CCDC68: variants seen among roughly 807,000 people sequenced by gnomAD.
CCDC68 encodes the protein coiled-coil domain-containing protein 68.
CCDC68 carries 45 observed loss-of-function variants against 47.1 expected under a neutral mutation model. That is an observed-to-expected ratio of 0.96 (90% confidence interval 0.75 to 1.23). CCDC68 has a LOEUF of 1.23. CCDC68 is among the 50% of genes most tolerant of loss of function. CCDC68 has a pLI of 0.00. For synonymous variants in CCDC68, 131 were observed against 129.5 expected, an observed-to-expected ratio of 1.01 and a Z score of -0.08; for missense variants, 353 against 373.6, an observed-to-expected ratio of 0.94 and a Z score of 0.45.
chr18:54,905,653 T>C (rs1913959921), intron 11 of CCDC68, among the ~76,000 whole-genome samples: 1 of 152,190 alleles, frequency 6.6e-6, no homozygotes, highest in African/African-American at 2.4e-5. Context: ...ACTTACATTT[T>C]TCAAGCAACC....
rs570334401 is a variant in CCDC68, at chr18:54,917,832, C to T, written c.873+81G>A. On this transcript the variant is annotated intron_variant, in intron 10 of 11. Transcript: ENST00000591504. ...AGGCTCACTGATACTGATACCCTCA[C>T]GTGCACAGACACACACACACACACA... 3.1e-4 allele frequency: 227 copies of T among 731,054 alleles called. No homozygotes were observed. The African/African-American group carries it at 4.9e-3, about 16-fold the overall frequency. The allele number at this position is 731,054 out of a possible 1,614,324, so 45.3% of individuals were successfully genotyped here.
intron 8 of CCDC68, 63 bp downstream of exon 8, chr18:54,928,737 G>A (rs1394087276): frequency 4.0e-6 from 4 of 997,982 alleles, no homozygotes; most frequent in Non-Finnish European, 1.6e-6. Flanking sequence ...TTCCCTGGCT[G>A]GCATACCAGT....
intron 6 of CCDC68, 50 bp from the exon 7 acceptor site, chr18:54,934,998 C>G (rs1048543267): frequency 2.1e-6 from 3 of 1,405,668 alleles, no homozygotes; most frequent in Non-Finnish European, 2.8e-6. Context: ...TTTCTTAAAC[C>G]TATACACATA....
At chr18:54,909,416 C>G (rs1423055452) in intron 10 of CCDC68, among the ~76,000 whole-genome samples, 3 of 144,222 alleles carry the variant, frequency 2.1e-5, no homozygotes, top group African/African-American at 5.2e-5. Context: ...GGGTCTCACT[C>G]TGTCGCCCAG....
chr18:54,916,043 T>C (rs1599033781), intron 10 of CCDC68, among the ~76,000 whole-genome samples: 1 of 152,278 alleles, frequency 6.6e-6, no homozygotes, highest in Non-Finnish European at 1.5e-5. Context: ...TGTGAAGAAA[T>C]GTCTTTAGAG....
chr18:54,919,515 A>G (rs1047046493), intron 8 of CCDC68, 139 bp from the exon 9 acceptor site: 1 of 646,988 alleles, frequency 1.5e-6, no homozygotes, highest in Admixed American at 2.4e-5. Flanking sequence ...CCATTATGCC[A>G]CATAGGACAC....
chr18:54,915,628 G>A (rs1164042441), intron 10 of CCDC68, among the ~76,000 whole-genome samples: 1 of 152,102 alleles, frequency 6.6e-6, no homozygotes, highest in Non-Finnish European at 1.5e-5. Context: ...TGTTAGTTAC[G>A]TAAAAAATGT....
chr18:54,919,071 T>G (rs569343011), intron 9 of CCDC68, among the ~76,000 whole-genome samples, 200 bp downstream of exon 9: 19 of 152,302 alleles, frequency 1.2e-4, no homozygotes, highest in African/African-American at 4.6e-4. Context: ...CAAGCTATCT[T>G]CATCGAGAGC....
chr18:54,907,202 C>CA (rs1914063084), intron 11 of CCDC68, among the ~76,000 whole-genome samples: 1 of 152,102 alleles, frequency 6.6e-6, no homozygotes, highest in Non-Finnish European at 1.5e-5. Context: ...ACAACCACAA[C>CA]AAAAATTTAA....
intron 7 of CCDC68, among the ~76,000 whole-genome samples, chr18:54,934,075 C>A (rs2044305949): frequency 6.6e-6 from 1 of 152,148 alleles, no homozygotes; most frequent in Non-Finnish European, 1.5e-5. Flanking sequence ...TACTAGTATC[C>A]AAAGCCTATA....
At chr18:54,919,612 C>T (rs957908006) in intron 8 of CCDC68, among the ~76,000 whole-genome samples, 4 of 152,218 alleles carry the variant, frequency 2.6e-5, no homozygotes, top group African/African-American at 9.7e-5. Flanking sequence ...AATCTCCATT[C>T]TGGCCATCTG....
chr18:54,933,423 C>T (rs1285470759), intron 7 of CCDC68, among the ~76,000 whole-genome samples: 1 of 152,136 alleles, frequency 6.6e-6, no homozygotes, highest in Non-Finnish European at 1.5e-5. Flanking sequence ...TGCCACTAAA[C>T]CTGACCAATA....
intron 1 of CCDC68, among the ~76,000 whole-genome samples, chr18:54,956,237 C>G (rs1568168468): frequency 6.6e-6 from 1 of 152,218 alleles, no homozygotes; most frequent in Admixed American, 6.5e-5. Flanking sequence ...ATCTGCCCAG[C>G]TCAGCCTCCC....
At chr18:54,924,419 T>A (rs2044112470) in intron 8 of CCDC68, among the ~76,000 whole-genome samples, 1 of 152,050 alleles carries the variant, frequency 6.6e-6, no homozygotes, top group South Asian at 2.1e-4. Flanking sequence ...ATCCCAGACT[T>A]GGAGCTGGAA....
At chr18:54,934,053 T>A (rs1376122567) in intron 7 of CCDC68, among the ~76,000 whole-genome samples, 1 of 152,208 alleles carries the variant, frequency 6.6e-6, no homozygotes. Context: ...AAAAAATGTA[T>A]TGGGCAATAT....
chr18:54,957,656 C>T (rs2044737996), intron 1 of CCDC68, among the ~76,000 whole-genome samples: 1 of 151,240 alleles, frequency 6.6e-6, no homozygotes, highest in Non-Finnish European at 1.5e-5. Context: ...CTCTCTCTCT[C>T]TCATTTTCCA....
intron 9 of CCDC68, among the ~76,000 whole-genome samples, chr18:54,918,571 A>G (rs1195697089): frequency 6.6e-6 from 1 of 152,180 alleles, no homozygotes; most frequent in Non-Finnish European, 1.5e-5. Context: ...GATGCCCCCA[A>G]AGTCCCTCCT....
intron 11 of CCDC68, among the ~76,000 whole-genome samples, chr18:54,905,938 T>C (rs8091425): frequency 0.2 from 30,855 of 152,112 alleles, 3,503 homozygotes; most frequent in East Asian, 0.31. Flanking sequence ...ATGCGATGGA[T>C]CTAGGTTGCG....
rs1913763763 is a variant in CCDC68 at position 54,902,907 on chromosome 18, C to G, written c.*1451G>C. 6.6e-6 allele frequency: 1 copy of G among 152,072 alleles called. No individual in the cohort carries two copies. Among genetic ancestry groups the G allele is most frequent in the African/African-American group, 2.4e-5 (1 of 41,428 alleles). 9.4% of individuals were successfully genotyped at this position (152,072 alleles called of 1,614,324 possible). A position where few individuals can be genotyped will look rare whatever the true frequency, so the allele number is the denominator to read the frequency against. On this transcript the variant is annotated 3_prime_UTR_variant, in exon 12 of 12. Coordinates refer to ENST00000591504, the MANE Select transcript of CCDC68 (RefSeq NM_025214.3). ...ACAGGAATAATCTGCTTCTGAGGGC[C>G]TTGGGGAAGATAAAATAAATTAATA...
Sources: allele counts gnomAD v4.1 joint callset (sites outside exome capture counted in the v4.1 genomes callset), GRCh38; gene constraint gnomAD v4.1.1; transcripts MANE v1.5; gene names NCBI Gene and HGNC (gene_info 2026-07-23, HGNC 2026-07-21).